Variants in CFAP221 observed in about 807,000 individuals in gnomAD.
CFAP221 encodes cilia- and flagella-associated protein 221.
CFAP221 carries 97 observed loss-of-function variants against 113.1 expected under a neutral mutation model. The observed-to-expected ratio is 0.86, with a 90% CI of 0.73 to 1.02. The LOEUF (loss-of-function observed/expected upper bound fraction) is 1.02, where lower values mean the gene tolerates loss of function less well. CFAP221 is among the 50% of genes least tolerant of loss of function. The pLI, the probability that CFAP221 is intolerant of heterozygous loss-of-function variation, is 0.00. For missense variants in CFAP221, 1,025 were observed against 1,013.4 expected (o/e 1.01, Z -0.16); for synonymous variants, 331 against 354.4 (o/e 0.93, Z 0.74).
intron 6 of CFAP221, among the ~76,000 whole-genome samples, chr2:119,582,596 C>T (rs1183998656): frequency 3.3e-5 from 5 of 151,880 alleles, no homozygotes; most frequent in Non-Finnish European, 7.4e-5. Context: ...GCTGGGACTA[C>T]AGGCACACGC....
chr2:119,648,690 C>A (rs1335683412), intron 22 of CFAP221: 4 of 154,872 alleles, frequency 2.6e-5, no homozygotes, highest in African/African-American at 9.6e-5. Context: ...AGTATAAAAT[C>A]ACCAGAGCGT....
intron 6 of CFAP221, among the ~76,000 whole-genome samples, chr2:119,568,235 C>T (rs139201952): frequency 6.6e-6 from 1 of 152,262 alleles, no homozygotes; most frequent in African/African-American, 2.4e-5. Context: ...TTATCCTGAA[C>T]AAACTGTTAG....
chr2:119,606,798 T>C (rs1684801162), intron 11 of CFAP221, among the ~76,000 whole-genome samples: 1 of 152,122 alleles, frequency 6.6e-6, no homozygotes, highest in African/African-American at 2.4e-5. Flanking sequence ...TTAATATTTT[T>C]CCCAACTTTT....
intron 7 of CFAP221, among the ~76,000 whole-genome samples, chr2:119,588,404 A>C (rs758011160): frequency 6.6e-6 from 1 of 152,232 alleles, no homozygotes; most frequent in Non-Finnish European, 1.5e-5. Flanking sequence ...AGCCAGGAAA[A>C]GGAAGAAAAG....
chr2:119,618,010 G>A (rs1160409526), intron 14 of CFAP221, among the ~76,000 whole-genome samples: 1 of 152,096 alleles, frequency 6.6e-6, no homozygotes, highest in East Asian at 1.9e-4. Context: ...CTCTGCAGAG[G>A]CCTTCCCTCA....
intron 13 of CFAP221, among the ~76,000 whole-genome samples, chr2:119,612,487 G>A (rs374160861): frequency 6.6e-5 from 10 of 152,214 alleles, no homozygotes; most frequent in Middle Eastern, 3.4e-3. Flanking sequence ...AAACTAAGTC[G>A]CTATCATGAG....
intron 3 of CFAP221, 64 bp downstream of exon 3, chr2:119,549,249 A>G (rs1680260949): frequency 1.6e-6 from 2 of 1,274,114 alleles, no homozygotes; most frequent in East Asian, 2.6e-5. Flanking sequence ...TTCTGAATTT[A>G]TATTATTCAC....
chr2:119,625,761 A>AAGTT (rs756893013), intron 15 of CFAP221, 73 bp downstream of exon 15: 1 of 1,293,024 alleles, frequency 7.7e-7, no homozygotes, highest in Admixed American at 1.9e-5. Flanking sequence ...CCTTAGAATG[A>AAGTT]AGTTAGCTCT....
chr2:119,573,724 A>G (rs1002748993), intron 6 of CFAP221, among the ~76,000 whole-genome samples: 1 of 152,176 alleles, frequency 6.6e-6, no homozygotes, highest in East Asian at 1.9e-4. Flanking sequence ...AAAAGCCTAA[A>G]TGTTTATTAT....
At chr2:119,579,332 A>G (rs1682688822) in intron 6 of CFAP221, among the ~76,000 whole-genome samples, 1 of 152,076 alleles carries the variant, frequency 6.6e-6, no homozygotes, top group Non-Finnish European at 1.5e-5. Flanking sequence ...TCTTCATTGT[A>G]TATCAGATTT....
At chr2:119,559,484 A>C (rs930905907) in intron 3 of CFAP221, among the ~76,000 whole-genome samples, 2 of 152,036 alleles carry the variant, frequency 1.3e-5, no homozygotes, top group African/African-American at 2.4e-5. Flanking sequence ...AAGTGGGGAC[A>C]TGGGGCACGT....
chr2:119,557,718 A>G (rs1447117279), intron 3 of CFAP221, among the ~76,000 whole-genome samples: 3 of 152,062 alleles, frequency 2.0e-5, no homozygotes, highest in Admixed American at 6.5e-5. Flanking sequence ...GCACTCCTAG[A>G]AGCCAGGCAC....
intron 14 of CFAP221, 58 bp downstream of exon 14, chr2:119,615,767 C>G: frequency 7.4e-7 from 1 of 1,345,696 alleles, no homozygotes; most frequent in Non-Finnish European, 1.0e-6. Flanking sequence ...ATAAGGAAAT[C>G]AAGCAATGGT....
chr2:119,572,768 T>G, intron 6 of CFAP221: 1 of 545,322 alleles, frequency 1.8e-6, no homozygotes, highest in South Asian at 2.8e-5. Context: ...GGTAAAATGA[T>G]GCCATGGGCA....
intron 13 of CFAP221, among the ~76,000 whole-genome samples, chr2:119,613,575 T>C (rs1685324848): frequency 6.6e-6 from 1 of 152,246 alleles, no homozygotes; most frequent in Non-Finnish European, 1.5e-5. Context: ...AGCCATGGCC[T>C]GAGCTGTACC....
At chr2:119,585,171 T>G (rs1289259180) in intron 6 of CFAP221, among the ~76,000 whole-genome samples, 4 of 152,150 alleles carry the variant, frequency 2.6e-5, no homozygotes, top group Non-Finnish European at 5.9e-5. Context: ...TGAGCAAAAA[T>G]AGCAAGTTTC....
At chr2:119,581,046 C>G (rs1334226760) in intron 6 of CFAP221, 1 of 152,170 alleles carries the variant, frequency 6.6e-6, no homozygotes, top group African/African-American at 2.4e-5. Context: ...ACCTGCTGGC[C>G]CAGTGACTGA....
intron 6 of CFAP221, among the ~76,000 whole-genome samples, chr2:119,584,997 T>C (rs1683110324): frequency 6.6e-6 from 1 of 152,222 alleles, no homozygotes; most frequent in African/African-American, 2.4e-5. Flanking sequence ...GGATCTTCAC[T>C]GCCACATTGC....
At chr2:119,636,657 A>G (rs1687132079) in intron 19 of CFAP221, among the ~76,000 whole-genome samples, 3 of 152,226 alleles carry the variant, frequency 2.0e-5, no homozygotes, top group African/African-American at 7.2e-5. Flanking sequence ...AAAGCCAGAA[A>G]CAAGGGAAAG....
Sources: gnomAD v4.1 joint callset for allele counts (sites outside exome capture counted in the v4.1 genomes callset) on GRCh38, gnomAD v4.1.1 for gene constraint, MANE v1.5 for transcripts, NCBI Gene and HGNC (gene_info 2026-07-23, HGNC 2026-07-21) for gene names.